ZNF569: variants seen among roughly 807,000 people sequenced by gnomAD.
ZNF569 encodes zinc finger protein 569, also known as DNA-binding protein.
Under a neutral mutation model 56.3 loss-of-function variants are expected in ZNF569, and 38 were observed. The observed-to-expected ratio is 0.68, with a 90% CI of 0.52 to 0.88. ZNF569 has a LOEUF of 0.88. Ranked by LOEUF, ZNF569 falls within the 40% of genes least tolerant of loss-of-function variation. The pLI, the probability that ZNF569 is intolerant of heterozygous loss-of-function variation, is 0.00. For missense variants in ZNF569, 666 were observed against 809.2 expected (o/e 0.82, Z 2.15); for synonymous variants, 241 against 262.9 (o/e 0.92, Z 0.81).
chr19:37,451,521 G>C (rs1194792025), intron 2 of ZNF569, among the ~76,000 whole-genome samples: 9 of 151,918 alleles, frequency 5.9e-5, no homozygotes, highest in African/African-American at 2.2e-4. Context: ...TTAATGGACA[G>C]AAAGTGGGGT....
At position 37,467,199 on chromosome 19, in the gene ZNF569, G is replaced by C. The variant is rs1394762654; in HGVS notation, c.-320C>G. ...GCCGGCGCTGTCGGTGGCTGAGAGC[G>C]CCACAAGTCTCGGTCCGTTACACCA... On this transcript the variant is annotated 5_prime_UTR_variant, in exon 1 of 6. Coordinates refer to ENST00000316950, the MANE Select transcript of ZNF569 (RefSeq NM_152484.3). 1 of 152,262 alleles carries C rather than the reference G, an allele frequency of 6.6e-6. No individual in the cohort carries two copies. Among genetic ancestry groups the C allele is most frequent in the Non-Finnish European group, 1.5e-5 (1 of 68,132 alleles). 9.4% of individuals were successfully genotyped at this position (152,262 alleles called of 1,614,324 possible).
At chr19:37,419,969 C>CTTTTTTTTTTTTTT (rs60568702) in intron 5 of ZNF569, among the ~76,000 whole-genome samples, 1 of 100,628 alleles carries the variant, frequency 9.9e-6, no homozygotes, top group African/African-American at 4.0e-5. Flanking sequence ...TCTTTTCTTT[C>CTTTTTTTTTTTTTT]TTTTTTTTTT....
intron 5 of ZNF569, among the ~76,000 whole-genome samples, chr19:37,418,283 C>A (rs1000849434): frequency 6.6e-6 from 1 of 151,734 alleles, no homozygotes; most frequent in African/African-American, 2.4e-5. Context: ...ACTGGAGAGG[C>A]CCACCTAGGT....
At chr19:37,448,826 G>C (rs1435148692) in intron 2 of ZNF569, among the ~76,000 whole-genome samples, 1 of 152,044 alleles carries the variant, frequency 6.6e-6, no homozygotes, top group Non-Finnish European at 1.5e-5. Flanking sequence ...GCCTCCCAAA[G>C]AGCCACCGCA....
intron 5 of ZNF569, among the ~76,000 whole-genome samples, chr19:37,421,743 CTTTTT>C (rs748058159): frequency 2.5e-5 from 2 of 79,664 alleles, no homozygotes; most frequent in Non-Finnish European, 4.7e-5. Context: ...TGTAGTGGCA[CTTTTT>C]TTTTTTTTTT....
chr19:37,422,074 C>T (rs1600296721), intron 5 of ZNF569, among the ~76,000 whole-genome samples: 1 of 152,264 alleles, frequency 6.6e-6, no homozygotes, highest in Admixed American at 6.5e-5. Flanking sequence ...ACTTCAAGAA[C>T]TTTTCCTTTG....
intron 4 of ZNF569, 142 bp downstream of exon 4, chr19:37,426,110 G>T: frequency 7.8e-7 from 1 of 1,274,838 alleles, no homozygotes; most frequent in Non-Finnish European, 1.1e-6. Flanking sequence ...GAAAACTGCA[G>T]CATGGACATT....
chr19:37,414,276 C>T lies in ZNF569; in HGVS notation c.382G>A (p.Asp128Asn). ...KFANVFPLNS[D>N]FFPSRHNLYE... is the part of the protein sequence containing the mutation. ...AGATTGTGTCTGGAAGGGAAAAAAT[C>T]AGAGTTCAGAGGAAATACATTTGCA... Residue 128 changes from aspartate to asparagine, a missense_variant, in exon 6 of 6, where the codon GAT becomes AAT. Transcript: ENST00000316950. The T allele has an allele frequency of 1.2e-6, 2 of 1,613,654 alleles. No individual in the cohort carries two copies. Among genetic ancestry groups the T allele is most frequent in the Non-Finnish European group, 1.7e-6 (2 of 1,179,794 alleles).
At chr19:37,433,738 G>C (rs1228551254) in intron 3 of ZNF569, among the ~76,000 whole-genome samples, 1 of 152,124 alleles carries the variant, frequency 6.6e-6, no homozygotes, top group Non-Finnish European at 1.5e-5. Context: ...TTTTATGCTA[G>C]AATAGTATAT....
In ZNF569 at chr19:37,444,964, G is replaced by A; in HGVS notation, c.-43C>T. 1 of 1,600,654 alleles carries A rather than the reference G, an allele frequency of 6.2e-7. No individual in the cohort carries two copies. Among genetic ancestry groups the A allele is most frequent in the Non-Finnish European group, 8.5e-7 (1 of 1,174,962 alleles). ...AAGGGATGGGGCCTGCAGAAGTAGA[G>A]CTGGGGAAGAGAATAAAAGTCATTA... On this transcript the variant is annotated splice_region_variant and 5_prime_UTR_variant, in exon 3 of 6. Transcript: ENST00000316950.
At chr19:37,422,435 A>G (rs191961722) in intron 5 of ZNF569, among the ~76,000 whole-genome samples, 17 of 152,302 alleles carry the variant, frequency 1.1e-4, no homozygotes, top group Admixed American at 1.0e-3. Context: ...ATCAAAGATC[A>G]CTGATCACAG....
intron 5 of ZNF569, among the ~76,000 whole-genome samples, chr19:37,421,888 T>C (rs2041043507): frequency 1.3e-5 from 2 of 151,218 alleles, no homozygotes; most frequent in Admixed American, 1.3e-4. Flanking sequence ...CAGCTGGGAC[T>C]ACAGGCATGC....
intron 2 of ZNF569, among the ~76,000 whole-genome samples, chr19:37,453,509 T>C (rs1284371914): frequency 6.6e-6 from 1 of 152,162 alleles, no homozygotes; most frequent in African/African-American, 2.4e-5. Flanking sequence ...TTTTCTGCAC[T>C]TTAAAAATGA....
chr19:37,432,663 A>G (rs924006081), intron 3 of ZNF569, among the ~76,000 whole-genome samples: 1 of 152,218 alleles, frequency 6.6e-6, no homozygotes, highest in Non-Finnish European at 1.5e-5. Context: ...GGAAAACATG[A>G]CTTCACCAAA....
chr19:37,457,370 T>C (rs2146968425), intron 2 of ZNF569, among the ~76,000 whole-genome samples: 1 of 152,252 alleles, frequency 6.6e-6, no homozygotes, highest in South Asian at 2.1e-4. Context: ...TTTTTTCCCC[T>C]TGCCCAAAAT....
At chr19:37,449,979 A>C (rs1460739533) in intron 2 of ZNF569, among the ~76,000 whole-genome samples, 1 of 152,014 alleles carries the variant, frequency 6.6e-6, no homozygotes, top group Non-Finnish European at 1.5e-5. Flanking sequence ...GGTTTCGTTT[A>C]ATTGCACACT....
chr19:37,454,836 G>A (rs2041648382), intron 2 of ZNF569: 1 of 701,962 alleles, frequency 1.4e-6, no homozygotes, highest in Non-Finnish European at 2.6e-6. Context: ...TTTCTTACTG[G>A]CTTATATGGT....
At chr19:37,448,556 CTTTTTTTTTTTTT>C (rs545559315) in intron 2 of ZNF569, among the ~76,000 whole-genome samples, 1 of 72,530 alleles carries the variant, frequency 1.4e-5, no homozygotes, top group East Asian at 4.3e-4. Flanking sequence ...ATGCTGTAAT[CTTTTTTTTTTTTT>C]TTTTTTTTTT....
chr19:37,422,223 T>C (rs1379314935), intron 5 of ZNF569, among the ~76,000 whole-genome samples: 4 of 152,214 alleles, frequency 2.6e-5, no homozygotes, highest in Non-Finnish European at 4.4e-5. Context: ...ACTTGAACAC[T>C]TAGAGGTCAT....
Sources: allele counts gnomAD v4.1 joint callset (sites outside exome capture counted in the v4.1 genomes callset), GRCh38; gene constraint gnomAD v4.1.1; transcripts MANE v1.5; gene names NCBI Gene and HGNC (gene_info 2026-07-23, HGNC 2026-07-21).